Variants in ZNF33B observed in about 807,000 individuals in gnomAD.
ZNF33B encodes zinc finger protein 33B.
A neutral mutation model predicts 45.8 loss-of-function variants in ZNF33B; 29 were observed. The observed-to-expected ratio is 0.63, with a 90% CI of 0.47 to 0.86. The LOEUF (loss-of-function observed/expected upper bound fraction) is 0.86. Ranked by LOEUF, ZNF33B falls within the 40% of genes least tolerant of loss-of-function variation. The pLI, the probability that ZNF33B is intolerant of heterozygous loss-of-function variation, is 0.00. For synonymous variants in ZNF33B, 305 were observed against 307.8 expected (o/e 0.99, Z 0.10); for missense variants, 831 against 909.9 (o/e 0.91, Z 1.12).
intron 1 of ZNF33B, chr10:42,578,512 G>T (rs1836780178): frequency 6.6e-6 from 1 of 152,628 alleles, no homozygotes. Context: ...TCCCAGCCAG[G>T]GAGTCTCAGC....
rs1837203131 is a variant in ZNF33B at position 42,592,928 on chromosome 10, GAA to G, written c.2020_2021del (p.Phe674LeufsTer10). The G allele has an allele frequency of 6.2e-7, 1 of 1,611,940 alleles. No homozygotes were observed. Among genetic ancestry groups the G allele is most frequent in the African/African-American group, 1.3e-5 (1 of 74,240 alleles). On this transcript the variant is annotated frameshift_variant, in exon 5 of 5. Coordinates refer to ENST00000359467, the MANE Select transcript of ZNF33B (RefSeq NM_006955.3). LOFTEE classifies it high-confidence loss of function. ...GTAAAATAAGTCCTGACTTCACACA[GAA>G]AGATTTTCCACATTCGTTACATTTA... ...PYKCNECGKSFCVKSGLILHE... is the reference protein window; with the variant it reads ...PYKCNECGKSXCVKSGLILHE...
rs1048388077 is a variant in ZNF33B at position 42,590,932 on chromosome 10, G to T, written c.*1681C>A. On this transcript the variant is annotated 3_prime_UTR_variant, in exon 5 of 5. Coordinates refer to ENST00000359467, the MANE Select transcript of ZNF33B (RefSeq NM_006955.3). ...GATTTTTACTCTAATTTTTTTCCAG[G>T]TTACTTTGGATTTAATTTGCTCTTC... The T allele has an allele frequency of 1.6e-4, 25 of 155,066 alleles. No individual in the cohort carries two copies. The highest frequency in any genetic ancestry group is 6.0e-4 in the African/African-American group (25 of 41,398). 9.6% of individuals were successfully genotyped at this position (155,066 alleles called of 1,614,324 possible).
chr10:42,594,134 G>A lies in ZNF33B; in HGVS notation c.816C>T (p.Asp272=). 6.2e-7 allele frequency: 1 copy of A among 1,613,960 alleles called. No individual in the cohort carries two copies. Among genetic ancestry groups the A allele is most frequent in the Non-Finnish European group, 8.5e-7 (1 of 1,179,942 alleles). Reference sequence around the variant, plus strand: ...CACAATCACTAAATTCATAGTGACTGTCCTTTGATGGAGGTATCTGATGGA... The same window carrying A: ...CACAATCACTAAATTCATAGTGACTATCCTTTGATGGAGGTATCTGATGGA... ...LLFHQIPPSK[D]SHYEFSDCEK... is the part of the protein sequence containing the mutation. Residue 272 remains aspartate, a synonymous_variant, in exon 5 of 5, where the codon GAC becomes GAT. Coordinates refer to ENST00000359467, the MANE Select transcript of ZNF33B (RefSeq NM_006955.3).
chr10:42,630,914 G>A (rs778543816), intron 4 of ZNF33B, among the ~76,000 whole-genome samples: 7 of 152,018 alleles, frequency 4.6e-5, no homozygotes, highest in Non-Finnish European at 1.0e-4. Context: ...CCTCCCTTCA[G>A]CCACTGTGAC....
chr10:42,575,328 CAA>C (rs978199373), intron 1 of ZNF33B, among the ~76,000 whole-genome samples: 1 of 151,978 alleles, frequency 6.6e-6, no homozygotes, highest in African/African-American at 2.4e-5. Flanking sequence ...GGAAGGATGG[CAA>C]AGAGGAGCAG....
At chr10:42,625,038 T>TATATATA (rs1564523370) in intron 4 of ZNF33B, among the ~76,000 whole-genome samples, 1 of 145,520 alleles carries the variant, frequency 6.9e-6, no homozygotes, top group Non-Finnish European at 1.5e-5. Context: ...GTTTCATATT[T>TATATATA]TATATATATA....
intron 4 of ZNF33B, among the ~76,000 whole-genome samples, chr10:42,620,618 C>G (rs1162443371): frequency 6.6e-6 from 1 of 151,534 alleles, no homozygotes; most frequent in East Asian, 1.9e-4. Flanking sequence ...CTTTGTAGAC[C>G]AGGCTGGTCT....
intron 4 of ZNF33B, among the ~76,000 whole-genome samples, chr10:42,606,618 C>T (rs1300722698): frequency 6.6e-6 from 1 of 151,854 alleles, no homozygotes; most frequent in African/African-American, 2.4e-5. Context: ...ATCTTTCTTT[C>T]AGCTTCTTTA....
chr10:42,625,443 T>C (rs1473960941), intron 4 of ZNF33B, among the ~76,000 whole-genome samples: 1 of 152,298 alleles, frequency 6.6e-6, no homozygotes, highest in East Asian at 1.9e-4. Flanking sequence ...TTGGAAATCA[T>C]TCATTCATTC....
chr10:42,626,067 G>C (rs187479816), intron 4 of ZNF33B, among the ~76,000 whole-genome samples: 5 of 152,288 alleles, frequency 3.3e-5, no homozygotes, highest in African/African-American at 1.2e-4. Context: ...TTAATGTCTT[G>C]TATAGAGATT....
At chr10:42,616,820 T>C (rs145182409) in intron 4 of ZNF33B, among the ~76,000 whole-genome samples, 2,586 of 152,104 alleles carry the variant, frequency 0.017, 78 homozygotes, top group African/African-American at 0.059. Flanking sequence ...CTCAGCCTCC[T>C]GAGTAGCTGG....
At chr10:42,624,648 C>T (rs1001996791) in intron 4 of ZNF33B, among the ~76,000 whole-genome samples, 3 of 151,976 alleles carry the variant, frequency 2.0e-5, no homozygotes, top group African/African-American at 7.3e-5. Flanking sequence ...CACTTTAGGG[C>T]CATTATTAAG....
chr10:42,635,613 C>T (rs780257401), intron 2 of ZNF33B, among the ~76,000 whole-genome samples: 2 of 151,264 alleles, frequency 1.3e-5, no homozygotes, highest in Non-Finnish European at 2.9e-5. Flanking sequence ...AGACTGAGAC[C>T]AGCCTGGCCA....
intron 4 of ZNF33B, among the ~76,000 whole-genome samples, chr10:42,615,318 C>T (rs757111832): frequency 1.1e-4 from 17 of 152,120 alleles, no homozygotes; most frequent in Non-Finnish European, 1.8e-4. Flanking sequence ...AGAACTAAAA[C>T]CAAATGTCCA....
At chr10:42,603,679 C>T (rs1837721830) in intron 4 of ZNF33B, among the ~76,000 whole-genome samples, 2 of 152,134 alleles carry the variant, frequency 1.3e-5, no homozygotes. Context: ...ACATATGGTC[C>T]AGGACAGTGT....
Position 42,590,338 on chromosome 10 carries a change from C to A in ZNF33B, c.*2275G>T, listed in dbSNP as rs1308634890. 1 of 152,046 alleles carries A rather than the reference C, an allele frequency of 6.6e-6. No homozygotes were observed. The highest frequency in any genetic ancestry group is 6.6e-5 in the Admixed American group (1 of 15,262). The allele number at this position is 152,046 out of a possible 1,614,324, so 9.4% of individuals were successfully genotyped here. On this transcript the variant is annotated 3_prime_UTR_variant, in exon 5 of 5. Coordinates refer to ENST00000359467, the MANE Select transcript of ZNF33B (RefSeq NM_006955.3). ...TCTACCTTAAGTATCTCGAAAAATG[C>A]ACATCAGTGAATCCATTTGGTCCCG...
chr10:42,587,923 A>G (rs1589014807), downstream of ZNF33B, among the ~76,000 whole-genome samples: 1 of 152,192 alleles, frequency 6.6e-6, no homozygotes, highest in Non-Finnish European at 1.5e-5. Flanking sequence ...GGGTGCAGGT[A>G]CTACCCCTCC....
Position 42,594,407 on chromosome 10 carries a change from C to T in ZNF33B, c.543G>A (p.Lys181=). The T allele has an allele frequency of 6.2e-7, 1 of 1,613,772 alleles. No individual in the cohort carries two copies. Among genetic ancestry groups the T allele is most frequent in the Non-Finnish European group, 8.5e-7 (1 of 1,179,812 alleles). Reference sequence around the variant, plus strand: ...TCTCTCGAGTATGAGTTTCATCATGCTTAATATTGAGTAACAATTTCCCAC... The same window carrying T: ...TCTCTCGAGTATGAGTTTCATCATGTTTAATATTGAGTAACAATTTCCCAC... The part of the protein sequence containing the change: ...NACGKLLLNI[K]HDETHTREKN... The change falls in exon 5 of 5, where the codon AAG becomes AAA. Residue 181 remains lysine, a synonymous_variant. Coordinates refer to ENST00000359467, the MANE Select transcript of ZNF33B (RefSeq NM_006955.3).
intron 4 of ZNF33B, among the ~76,000 whole-genome samples, chr10:42,607,132 G>A (rs1000915965): frequency 6.6e-6 from 1 of 152,042 alleles, no homozygotes; most frequent in African/African-American, 2.4e-5. Context: ...ATAACAAATG[G>A]AGAAGAGGAA....
Sources: allele counts gnomAD v4.1 joint callset (sites outside exome capture counted in the v4.1 genomes callset), GRCh38; gene constraint gnomAD v4.1.1; transcripts MANE v1.5; gene names NCBI Gene and HGNC (gene_info 2026-07-23, HGNC 2026-07-21).